The following PCDHB13 variants were observed in gnomAD, a reference collection of about 807,000 sequenced individuals.
PCDHB13 encodes protocadherin beta 13.
For missense variants in PCDHB13, 1,065 were observed against 1,016.7 expected, an observed-to-expected ratio of 1.05 and a Z score of -0.65; for synonymous variants, 515 against 450.7, an observed-to-expected ratio of 1.14 and a Z score of -1.81.
Position 141,216,478 on chromosome 5 carries a change from A to G in PCDHB13, c.2355A>G (p.Gly785=). Residue 785 remains glycine, a synonymous_variant, in exon 1 of 1, where the codon GGA becomes GGG. Coordinates refer to ENST00000341948, the MANE Select transcript of PCDHB13 (RefSeq NM_018933.4). ...PPQCPGKEIQ[G]NSTFPNNFGF... ...AGTGCCCTGGGAAAGAAATACAAGGAAATTCTACCTTCCCCAATAACTTTG... is the reference window on the plus strand; with the variant it reads ...AGTGCCCTGGGAAAGAAATACAAGGGAATTCTACCTTCCCCAATAACTTTG... 1 of 1,613,932 alleles carries G rather than the reference A, an allele frequency of 6.2e-7. No homozygotes were observed. The highest frequency in any genetic ancestry group is 8.5e-7 in the Non-Finnish European group (1 of 1,179,978).
rs782578756 is a variant in PCDHB13 at position 141,215,117 on chromosome 5, T to C, written c.994T>C (p.Cys332Arg). ...ARDAGTFSGKCTVLIQVIDVN... is the reference protein window; with the variant it reads ...ARDAGTFSGKRTVLIQVIDVN... Reference sequence around the variant, plus strand: ...AGATGCTGGAACCTTTTCTGGAAAATGCACCGTTCTGATTCAAGTGATAGA... The same window carrying C: ...AGATGCTGGAACCTTTTCTGGAAAACGCACCGTTCTGATTCAAGTGATAGA... The change falls in exon 1 of 1, where the codon TGC becomes CGC. Residue 332 changes from cysteine to arginine, a missense_variant. Cys to Arg is a radical substitution (Grantham distance 180, BLOSUM62 -3). Coordinates refer to ENST00000341948, the MANE Select transcript of PCDHB13 (RefSeq NM_018933.4). The C allele has an allele frequency of 8.1e-6, 13 of 1,613,958 alleles. No individual in the cohort carries two copies. The highest frequency in any genetic ancestry group is 6.7e-5 in the African/African-American group (5 of 74,868).
At position 141,214,094 on chromosome 5, in the gene PCDHB13, C is replaced by T; in HGVS notation, c.-30C>T. 1 of 1,614,086 alleles carries T rather than the reference C, an allele frequency of 6.2e-7. No homozygotes were observed. On this transcript the variant is annotated 5_prime_UTR_variant, in exon 1 of 1. Coordinates refer to ENST00000341948, the MANE Select transcript of PCDHB13 (RefSeq NM_018933.4). ...GGACTTTACAGTCCCACAGAACCGTCCTCCCAGGAAGCTGAATCCAGCAAG... is the reference window on the plus strand; with the variant it reads ...GGACTTTACAGTCCCACAGAACCGTTCTCCCAGGAAGCTGAATCCAGCAAG...
At position 141,216,886 on chromosome 5, in the gene PCDHB13, T is replaced by C; in HGVS notation, c.*366T>C. 3.1e-6 allele frequency: 1 copy of C among 322,170 alleles called. No individual in the cohort carries two copies. Among genetic ancestry groups the C allele is most frequent in the Non-Finnish European group, 6.1e-6 (1 of 163,210 alleles). 20.0% of individuals were successfully genotyped at this position (322,170 alleles called of 1,614,324 possible). A position where few individuals can be genotyped will look rare whatever the true frequency, so the allele number is the denominator to read the frequency against. On this transcript the variant is annotated 3_prime_UTR_variant, in exon 1 of 1. Transcript: ENST00000341948. ...ATTTTCCAGCATTTCTTCATTTGAT[T>C]CTCTTTTTTTAGTCTTAAAATAATG...
rs1385676872 is a variant in PCDHB13, at chr5:141,216,370, C to G, written c.2247C>G (p.Tyr749Ter). 6.2e-7 allele frequency: 1 copy of G among 1,614,148 alleles called. No homozygotes were observed. The highest frequency in any genetic ancestry group is 8.5e-7 in the Non-Finnish European group (1 of 1,180,038). The stretch of plus-strand genomic sequence containing the variant: ...GCACCAGGACCCTATCCCAGAGCTA[C>G]CAGTATGAGGTGTGTCTGGCAGGAG... ...MSGTRTLSQS[Y>*]QYEVCLAGGS... The change falls in exon 1 of 1, where the codon TAC becomes TAG. Residue 749 changes from tyrosine to a stop codon, truncating the protein, a stop_gained. Coordinates refer to ENST00000341948, the MANE Select transcript of PCDHB13 (RefSeq NM_018933.4). LOFTEE classifies it low-confidence loss of function (END_TRUNC).
rs1554288205 is a variant in PCDHB13 at position 141,216,423 on chromosome 5, T to C, written c.2300T>C (p.Leu767Pro). ...GGSGTNEFKF[L>P]KPIIPNFPPQ... The stretch of plus-strand genomic sequence containing the variant: ...TCAGGGACCAATGAGTTCAAGTTCC[T>C]GAAGCCGATTATCCCCAACTTCCCT... The change falls in exon 1 of 1, where the codon CTG becomes CCG. Residue 767 changes from leucine to proline, a missense_variant. Coordinates refer to ENST00000341948, the MANE Select transcript of PCDHB13 (RefSeq NM_018933.4). 1.2e-6 allele frequency: 2 copies of C among 1,614,182 alleles called. No homozygotes were observed. The highest frequency in any genetic ancestry group is 2.2e-5 in the East Asian group (1 of 44,860).
In PCDHB13 at chr5:141,218,893, A is replaced by G. The variant is rs1393857003; in HGVS notation, c.*2373A>G. ...GTGATCTTCTCATATCTACTGGTGGAGTGGGAAAGAGTAGTTCAAACAACT... is the reference window on the plus strand; with the variant it reads ...GTGATCTTCTCATATCTACTGGTGGGGTGGGAAAGAGTAGTTCAAACAACT... On this transcript the variant is annotated 3_prime_UTR_variant, in exon 1 of 1. Coordinates refer to ENST00000341948, the MANE Select transcript of PCDHB13 (RefSeq NM_018933.4). The G allele has an allele frequency of 6.0e-6, 1 of 167,002 alleles. No homozygotes were observed. The highest frequency in any genetic ancestry group is 2.4e-5 in the African/African-American group (1 of 41,338). 10.3% of individuals were successfully genotyped at this position (167,002 alleles called of 1,614,324 possible).
At position 141,216,436 on chromosome 5, in the gene PCDHB13, C is replaced by A. The variant is rs782235018; in HGVS notation, c.2313C>A (p.Ile771=). ...TNEFKFLKPI[I]PNFPPQCPGK... ...AGTTCAAGTTCCTGAAGCCGATTAT[C>A]CCCAACTTCCCTCCCCAGTGCCCTG... The change falls in exon 1 of 1, where the codon ATC becomes ATA. Residue 771 remains isoleucine (I), a synonymous_variant. Transcript: ENST00000341948. 1.9e-6 allele frequency: 3 copies of A among 1,614,148 alleles called. No homozygotes were observed. Among genetic ancestry groups the A allele is most frequent in the Middle Eastern group, 1.7e-4 (1 of 6,060 alleles).
chr5:141,216,370 C>T lies in PCDHB13; in HGVS notation c.2247C>T (p.Tyr749=), dbSNP rs1385676872. 1.2e-6 allele frequency: 2 copies of T among 1,614,148 alleles called. No individual in the cohort carries two copies. The highest frequency in any genetic ancestry group is 1.7e-5 in the Admixed American group (1 of 60,022). ...MSGTRTLSQS[Y]QYEVCLAGGS... ...GCACCAGGACCCTATCCCAGAGCTA[C>T]CAGTATGAGGTGTGTCTGGCAGGAG... The change falls in exon 1 of 1, where the codon TAC becomes TAT. Residue 749 remains tyrosine, a synonymous_variant. Coordinates refer to ENST00000341948, the MANE Select transcript of PCDHB13 (RefSeq NM_018933.4).
rs1320949889 is a variant in PCDHB13 at position 141,217,253 on chromosome 5, G to A, written c.*733G>A. ...ATAATAATTCATATAGCATAAATTG[G>A]AGTTGTGTGTTAATGTGTAAAAATT... On this transcript the variant is annotated 3_prime_UTR_variant, in exon 1 of 1. Transcript: ENST00000341948. 1 of 166,438 alleles carries A rather than the reference G, an allele frequency of 6.0e-6. No individual in the cohort carries two copies. Among genetic ancestry groups the A allele is most frequent in the Non-Finnish European group, 1.5e-5 (1 of 68,134 alleles). The allele number at this position is 166,438 out of a possible 1,614,324, so 10.3% of individuals were successfully genotyped here. A position where few individuals can be genotyped will look rare whatever the true frequency, so the allele number is the denominator to read the frequency against.
chr5:141,214,902 T>G lies in PCDHB13; in HGVS notation c.779T>G (p.Phe260Cys). The G allele has an allele frequency of 6.2e-7, 1 of 1,613,942 alleles. No individual in the cohort carries two copies. Among genetic ancestry groups the G allele is most frequent in the Non-Finnish European group, 8.5e-7 (1 of 1,179,986 alleles). Residue 260 changes from phenylalanine to cysteine, a missense_variant, in exon 1 of 1, where the codon TTC (phenylalanine) becomes TGC (cysteine). By Grantham distance (205) the Phe-to-Cys change is radical (BLOSUM62 -2). Transcript: ENST00000341948. ...VQISEDSPVGFLVVKVSATDV... is the reference protein window; with the variant it reads ...VQISEDSPVGCLVVKVSATDV... ...ATCTCTGAGGACAGTCCGGTAGGCT[T>G]CCTGGTTGTGAAGGTCTCTGCCACG...
In PCDHB13 at chr5:141,217,426, G is replaced by A. The variant is rs1554288310; in HGVS notation, c.*906G>A. ...AATAAATGCTTGTGAACAATGCTTA[G>A]TCTTTTTATGACATAATTTGAAATT... On this transcript the variant is annotated 3_prime_UTR_variant, in exon 1 of 1. Coordinates refer to ENST00000341948, the MANE Select transcript of PCDHB13 (RefSeq NM_018933.4). 1.2e-5 allele frequency: 2 copies of A among 166,914 alleles called. No individual in the cohort carries two copies. The highest frequency in any genetic ancestry group is 4.8e-5 in the African/African-American group (2 of 41,332). The allele number at this position is 166,914 out of a possible 1,614,324, so 10.3% of individuals were successfully genotyped here. A position where few individuals can be genotyped will look rare whatever the true frequency, so the allele number is the denominator to read the frequency against.
In PCDHB13 at chr5:141,216,482, T is replaced by C; in HGVS notation, c.2359T>C (p.Ser787Pro). The change falls in exon 1 of 1, where the codon TCT (serine) becomes CCT (proline). Residue 787 changes from serine (S) to proline (P), a missense_variant. Physicochemically the swap from Ser to Pro is moderately conservative, Grantham distance 74. Coordinates refer to ENST00000341948, the MANE Select transcript of PCDHB13 (RefSeq NM_018933.4). ...CCCTGGGAAAGAAATACAAGGAAAT[T>C]CTACCTTCCCCAATAACTTTGGGTT... ...QCPGKEIQGNSTFPNNFGFNI... is the reference protein window; with the variant it reads ...QCPGKEIQGNPTFPNNFGFNI... 1 of 1,613,974 alleles carries C rather than the reference T, an allele frequency of 6.2e-7. No individual in the cohort carries two copies. The highest frequency in any genetic ancestry group is 2.2e-5 in the East Asian group (1 of 44,880).
Position 141,215,758 on chromosome 5 carries a change from G to A in PCDHB13, c.1635G>A (p.Ala545=). ...GCTCCCCGGCGCTGAGCAGCGAGGCGCTGGTGCGCGTGGTGGTGCTGGACG... is the reference window on the plus strand; with the variant it reads ...GCTCCCCGGCGCTGAGCAGCGAGGCACTGGTGCGCGTGGTGGTGCTGGACG... ...DHGSPALSSE[A]LVRVVVLDAN... Residue 545 remains alanine, a synonymous_variant, in exon 1 of 1, where the codon GCG becomes GCA. Coordinates refer to ENST00000341948, the MANE Select transcript of PCDHB13 (RefSeq NM_018933.4). 1.2e-6 allele frequency: 2 copies of A among 1,611,964 alleles called. No individual in the cohort carries two copies. Among genetic ancestry groups the A allele is most frequent in the South Asian group, 1.1e-5 (1 of 90,984 alleles).
Position 141,215,447 on chromosome 5 carries a change from G to A in PCDHB13, c.1324G>A (p.Ala442Thr), listed in dbSNP as rs1554287908. The A allele has an allele frequency of 1.2e-6, 2 of 1,614,096 alleles. No homozygotes were observed. The highest frequency in any genetic ancestry group is 1.1e-5 in the South Asian group (1 of 91,084). Reference protein sequence around the residue: ...ITQLNMTVLIADVNDNAPAFT... With the variant: ...ITQLNMTVLITDVNDNAPAFT... ...ACAGCTCAATATGACCGTGCTGATCGCCGATGTCAATGACAACGCTCCCGC... is the reference window on the plus strand; with the variant it reads ...ACAGCTCAATATGACCGTGCTGATCACCGATGTCAATGACAACGCTCCCGC... The change falls in exon 1 of 1, where the codon GCC (alanine) becomes ACC (threonine). Residue 442 changes from alanine (A) to threonine (T), a missense_variant. By Grantham distance (58) the Ala-to-Thr change is moderately conservative. Transcript: ENST00000341948.
rs782249052 is a variant in PCDHB13 at position 141,214,177 on chromosome 5, T to C, written c.54T>C (p.Phe18=). ...GACAAAGGCAAGTCCTTTTTTCCTT[T>C]CTCCTTTTGGGCTTATCTCTGGCGG... ...ICRQRQVLFS[F]LLLGLSLAGA... is the part of the protein sequence containing the mutation. Residue 18 remains phenylalanine, a synonymous_variant, in exon 1 of 1, where the codon TTT becomes TTC. Coordinates refer to ENST00000341948, the MANE Select transcript of PCDHB13 (RefSeq NM_018933.4). 23 of 1,612,474 alleles carry C rather than the reference T, an allele frequency of 1.4e-5. No individual in the cohort carries two copies. The Admixed American group carries it at 3.8e-4, about 27-fold the overall frequency.
chr5:141,216,029 G>A lies in PCDHB13; in HGVS notation c.1906G>A (p.Ala636Thr), dbSNP rs1277480869. ...TARLLSERDA[A>T]KHRLVVLVKD... ...CAGGCTGCTGAGCGAGCGCGACGCG[G>A]CCAAGCACAGGCTGGTGGTGCTGGT... is the stretch of plus-strand genomic sequence containing the variant. Residue 636 changes from alanine to threonine, a missense_variant, in exon 1 of 1, where the codon GCC becomes ACC. Ala to Thr is a moderately conservative substitution (Grantham distance 58, BLOSUM62 0). Transcript: ENST00000341948. The A allele has an allele frequency of 5.0e-6, 8 of 1,606,898 alleles. No individual in the cohort carries two copies. The highest frequency in any genetic ancestry group is 6.8e-6 in the Non-Finnish European group (8 of 1,179,544).
chr5:141,216,373 G>A lies in PCDHB13; in HGVS notation c.2250G>A (p.Gln750=), dbSNP rs373585430. Residue 750 remains glutamine, a synonymous_variant, in exon 1 of 1, where the codon CAG becomes CAA. Coordinates refer to ENST00000341948, the MANE Select transcript of PCDHB13 (RefSeq NM_018933.4). The part of the protein sequence containing the change: ...SGTRTLSQSY[Q]YEVCLAGGSG... ...CCAGGACCCTATCCCAGAGCTACCA[G>A]TATGAGGTGTGTCTGGCAGGAGGCT... The A allele has an allele frequency of 2.4e-5, 38 of 1,614,070 alleles. No homozygotes were observed. Among genetic ancestry groups the A allele is most frequent in the African/African-American group, 4.0e-5 (3 of 74,926 alleles).
At position 141,214,122 on chromosome 5, in the gene PCDHB13, C is replaced by A. The variant is rs782443139; in HGVS notation, c.-2C>A. On this transcript the variant is annotated 5_prime_UTR_variant, in exon 1 of 1. Coordinates refer to ENST00000341948, the MANE Select transcript of PCDHB13 (RefSeq NM_018933.4). ...CCCAGGAAGCTGAATCCAGCAAGAA[C>A]AATGGAGGCCAGCGGGAAGCTCATT... 1.2e-6 allele frequency: 2 copies of A among 1,614,128 alleles called. No individual in the cohort carries two copies. The highest frequency in any genetic ancestry group is 1.7e-6 in the Non-Finnish European group (2 of 1,180,012).
Position 141,214,093 on chromosome 5 carries a change from T to C in PCDHB13, c.-31T>C. On this transcript the variant is annotated 5_prime_UTR_variant, in exon 1 of 1. Coordinates refer to ENST00000341948, the MANE Select transcript of PCDHB13 (RefSeq NM_018933.4). ...GGGACTTTACAGTCCCACAGAACCGTCCTCCCAGGAAGCTGAATCCAGCAA... is the reference window on the plus strand; with the variant it reads ...GGGACTTTACAGTCCCACAGAACCGCCCTCCCAGGAAGCTGAATCCAGCAA... The C allele has an allele frequency of 6.2e-7, 1 of 1,613,986 alleles. No individual in the cohort carries two copies. Among genetic ancestry groups the C allele is most frequent in the Non-Finnish European group, 8.5e-7 (1 of 1,179,984 alleles).
Sources: gnomAD v4.1 joint callset for allele counts on GRCh38, gnomAD v4.1.1 for gene constraint, MANE v1.5 for transcripts, NCBI Gene and HGNC (gene_info 2026-07-23, HGNC 2026-07-21) for gene names.